Variants in ZBTB16 observed in about 807,000 individuals in gnomAD.
ZBTB16 encodes the protein zinc finger and BTB domain-containing protein 16.
A neutral mutation model predicts 56.8 loss-of-function variants in ZBTB16; 8 were observed. The observed-to-expected ratio is 0.14, with a 90% confidence interval of 0.08 to 0.25. ZBTB16 has a LOEUF of 0.25. ZBTB16 is among the 10% of genes least tolerant of loss of function. The pLI, the probability that ZBTB16 is intolerant of heterozygous loss-of-function variation, is 1.00. For missense variants in ZBTB16, 625 were observed against 903.0 expected (o/e 0.69, Z 3.95); for synonymous variants, 363 against 368.5 (o/e 0.98, Z 0.17).
At chr11:114,168,970 A>T (rs1221200332) in intron 3 of ZBTB16, among the ~76,000 whole-genome samples, 1 of 151,920 alleles carries the variant, frequency 6.6e-6, no homozygotes, top group Non-Finnish European at 1.5e-5. Flanking sequence ...AGGGTTGGGG[A>T]TAGGAGGGTT....
chr11:114,098,807 A>G lies in ZBTB16; in HGVS notation c.1268+34239A>G, dbSNP rs139631311. On this transcript the variant is annotated intron_variant, in intron 2 of 6. Coordinates refer to ENST00000335953, the MANE Select transcript of ZBTB16 (RefSeq NM_006006.6). The stretch of plus-strand genomic sequence containing the variant: ...GCATAAGCATAGTTGCTGAAGATCA[A>G]TAATATCAAATAATGGGTTCTTGGT... Among the ~76,000 whole-genome samples the G allele has an allele frequency of 1.8e-3, 271 of 151,874 alleles. 1 individual carries two copies. The highest frequency in any genetic ancestry group is 6.3e-3 in the African/African-American group (260 of 41,546).
rs1486690673 is a variant in ZBTB16, at chr11:114,253,137, T to A, written c.*2582T>A. ...GACTGGCTGGCCCTCAGGGGATCTGTAAATCCCAGAAAACAGTATTTTTAA... is the reference window on the plus strand; with the variant it reads ...GACTGGCTGGCCCTCAGGGGATCTGAAAATCCCAGAAAACAGTATTTTTAA... On this transcript the variant is annotated 3_prime_UTR_variant, in exon 7 of 7. Coordinates refer to ENST00000335953, the MANE Select transcript of ZBTB16 (RefSeq NM_006006.6). Among the ~76,000 whole-genome samples the A allele has an allele frequency of 1.3e-5, 2 of 152,096 alleles. No homozygotes were observed. Among genetic ancestry groups the A allele is most frequent in the African/African-American group, 2.4e-5 (1 of 41,400 alleles).
At chr11:114,173,671 A>G (rs1943031358) in intron 3 of ZBTB16, among the ~76,000 whole-genome samples, 1 of 152,262 alleles carries the variant, frequency 6.6e-6, no homozygotes, top group Non-Finnish European at 1.5e-5. Context: ...GAAGAGGGAC[A>G]TGGGGAAGAG....
intron 2 of ZBTB16, among the ~76,000 whole-genome samples, chr11:114,066,956 G>C (rs145373539): frequency 1.3e-5 from 2 of 151,878 alleles, no homozygotes; most frequent in African/African-American, 4.8e-5. Flanking sequence ...ATTTTTAGTA[G>C]AGACAGGGTT....
chr11:114,094,161 A>C (rs1352433944), intron 2 of ZBTB16, among the ~76,000 whole-genome samples: 2 of 152,022 alleles, frequency 1.3e-5, no homozygotes, highest in Non-Finnish European at 1.5e-5. Context: ...TAAAAATACA[A>C]AAAATTAGCC....
Position 114,249,678 on chromosome 11 carries a change from T to A in ZBTB16, c.1793-648T>A, listed in dbSNP as rs1944882191. On this transcript the variant is annotated intron_variant, in intron 6 of 6. Transcript: ENST00000335953. ...TACTCGGGAGGCTGAGGCAGGAGAA[T>A]GGCGTGAACCCGGGAAGCGGAGCTT... 2.9e-5 allele frequency among the ~76,000 whole-genome samples: 4 copies of A among 139,098 alleles called. No individual in the cohort carries two copies. The Admixed American group carries it at 3.0e-4, about 11-fold the overall frequency. The allele number at this position is 139,098 out of a possible 152,430, so 91.3% of individuals were successfully genotyped here.
chr11:114,226,225 A>C (rs1357008263), intron 4 of ZBTB16, among the ~76,000 whole-genome samples: 2 of 152,198 alleles, frequency 1.3e-5, no homozygotes, highest in Admixed American at 1.3e-4. Flanking sequence ...TAACTCTCTA[A>C]TGCTGTTCCC....
At chr11:114,193,475 G>A (rs1380610520) in intron 4 of ZBTB16, among the ~76,000 whole-genome samples, 1 of 152,184 alleles carries the variant, frequency 6.6e-6, no homozygotes, top group African/African-American at 2.4e-5. Context: ...GGCTGGCAAA[G>A]AGGGGTCCTG....
At chr11:114,242,418 G>A (rs1398485554) in intron 5 of ZBTB16, 81 bp downstream of exon 5, 3 of 1,562,650 alleles carry the variant, frequency 1.9e-6, no homozygotes, top group Admixed American at 1.8e-5. Flanking sequence ...TAAAGTGGAG[G>A]TGGTGGGCTG....
chr11:114,087,813 C>T (rs1415676496), intron 2 of ZBTB16, among the ~76,000 whole-genome samples: 1 of 152,202 alleles, frequency 6.6e-6, no homozygotes, highest in Admixed American at 6.5e-5. Flanking sequence ...CACTCTTCAT[C>T]CCTTTCTCTG....
chr11:114,064,637 G>A lies in ZBTB16; in HGVS notation c.1268+69G>A. ...CCTCACACCCCTCCTTCACACCCTG[G>A]CTGCTCCCAAGTTAGGGGCCTGGCT... On this transcript the variant is annotated intron_variant, in intron 2 of 6. Transcript: ENST00000335953. This position sits in a 1 kb window ranked among gnomAD's most constrained non-coding sequence, Gnocchi z 4.2. The A allele has an allele frequency of 6.3e-7, 1 of 1,578,254 alleles. No homozygotes were observed. The highest frequency in any genetic ancestry group is 1.8e-5 in the Admixed American group (1 of 56,638).
At chr11:114,102,319 T>C (rs1389066443) in intron 2 of ZBTB16, among the ~76,000 whole-genome samples, 1 of 152,188 alleles carries the variant, frequency 6.6e-6, no homozygotes, top group Non-Finnish European at 1.5e-5. Context: ...GGTTTAAATC[T>C]CACTGGGGGT....
At chr11:114,235,568 A>C (rs919765951) in intron 4 of ZBTB16, among the ~76,000 whole-genome samples, 1 of 152,016 alleles carries the variant, frequency 6.6e-6, no homozygotes, top group Non-Finnish European at 1.5e-5. Flanking sequence ...CCTTCTGCCT[A>C]CTATTCCACC....
At chr11:114,148,863 GGTGT>G (rs35071911) in intron 2 of ZBTB16, among the ~76,000 whole-genome samples, 25,092 of 143,536 alleles carry the variant, frequency 0.17, 2,235 homozygotes, top group Admixed American at 0.24. Flanking sequence ...GTTTTTTACT[GGTGT>G]GTGTGTGTGT....
chr11:114,164,794 G>C (rs3782023), intron 3 of ZBTB16, among the ~76,000 whole-genome samples: 20,815 of 151,986 alleles, frequency 0.14, 1,671 homozygotes, highest in South Asian at 0.23. Context: ...CGCTACTGCG[G>C]CCCTTACTTT....
At chr11:114,130,959 A>G (rs1941643722) in intron 2 of ZBTB16, among the ~76,000 whole-genome samples, 1 of 152,112 alleles carries the variant, frequency 6.6e-6, no homozygotes, top group Non-Finnish European at 1.5e-5. Context: ...AGACTAGGAT[A>G]TTTTCCTGCT....
At chr11:114,234,085 T>C (rs1944512507) in intron 4 of ZBTB16, among the ~76,000 whole-genome samples, 1 of 152,238 alleles carries the variant, frequency 6.6e-6, no homozygotes, top group Non-Finnish European at 1.5e-5. Flanking sequence ...CTCCCTTGAC[T>C]GACGGTATTG....
At position 114,247,274 on chromosome 11, in the gene ZBTB16, C is replaced by A; in HGVS notation, c.1701C>A (p.Ile567=). The change falls in exon 6 of 7, where the codon ATC becomes ATA. Residue 567 remains isoleucine, a synonymous_variant. Coordinates refer to ENST00000335953, the MANE Select transcript of ZBTB16 (RefSeq NM_006006.6). ...DESTLKSHKR[I]HTGEKPYECN... Reference sequence around the variant, plus strand: ...GCACACTCAAGAGCCACAAACGCATCCACACGGGTGAGAAACCCTACGAGT... The same window carrying A: ...GCACACTCAAGAGCCACAAACGCATACACACGGGTGAGAAACCCTACGAGT... 1 of 1,614,258 alleles carries A rather than the reference C, an allele frequency of 6.2e-7. No individual in the cohort carries two copies.
intron 4 of ZBTB16, among the ~76,000 whole-genome samples, chr11:114,204,731 A>G (rs1268370295): frequency 6.6e-6 from 1 of 152,102 alleles, no homozygotes; most frequent in East Asian, 1.9e-4. Context: ...TGTCAACAAG[A>G]TAAACTGGGC....
Sources: gnomAD v4.1 joint callset for allele counts (sites outside exome capture counted in the v4.1 genomes callset) on GRCh38, gnomAD v4.1.1 for gene constraint, Gnocchi (gnomAD v3.1) non-coding constraint, MANE v1.5 for transcripts, NCBI Gene and HGNC (gene_info 2026-07-23, HGNC 2026-07-21) for gene names.